DGKI: variants seen among roughly 807,000 people sequenced by gnomAD.
DGKI encodes diacylglycerol kinase iota, also known as DAG kinase iota.
A neutral mutation model predicts 147.5 loss-of-function variants in DGKI; 55 were observed. The observed-to-expected ratio is 0.37, with a 90% CI of 0.30 to 0.47. The LOEUF (loss-of-function observed/expected upper bound fraction) is 0.47. Ranked by LOEUF, DGKI falls within the 20% of genes least tolerant of loss-of-function variation. The pLI, the probability that DGKI is intolerant of heterozygous loss-of-function variation, is 1.00. For missense variants in DGKI, 1,007 were observed against 1,323.8 expected, an observed-to-expected ratio of 0.76 and a Z score of 3.71; for synonymous variants, 469 against 477.1, an observed-to-expected ratio of 0.98 and a Z score of 0.22.
Position 137,552,578 on chromosome 7 carries a change from C to G in DGKI, c.1948-10G>C. 5 of 1,613,686 alleles carry G rather than the reference C, an allele frequency of 3.1e-6. No individual in the cohort carries two copies. The highest frequency in any genetic ancestry group is 4.2e-6 in the Non-Finnish European group (5 of 1,179,872). ...CAACTTGCAGGGCTGCCTATAAAAA[C>G]AAGAGTCAAAGGGGAGCAAGGAGTT... On this transcript the variant is annotated splice_polypyrimidine_tract_variant and intron_variant, in intron 19 of 32. Transcript: ENST00000614521.
chr7:137,786,649 C>T (rs1479056514), intron 1 of DGKI, among the ~76,000 whole-genome samples: 2 of 150,312 alleles, frequency 1.3e-5, no homozygotes, highest in East Asian at 2.0e-4. Flanking sequence ...AAAAAAGAGC[C>T]TGCATAGCCA....
chr7:137,471,087 G>C (rs1375377660), intron 23 of DGKI, among the ~76,000 whole-genome samples: 2 of 152,204 alleles, frequency 1.3e-5, no homozygotes, highest in Admixed American at 6.5e-5. Context: ...AGAGAAGCCT[G>C]CCAGTGATAA....
intron 27 of DGKI, among the ~76,000 whole-genome samples, chr7:137,462,573 T>C (rs1814488060): frequency 6.6e-6 from 1 of 152,228 alleles, no homozygotes; most frequent in African/African-American, 2.4e-5. Flanking sequence ...GCTTCTGGTC[T>C]TTCTCCAGAA....
chr7:137,799,110 T>C (rs1411105335), intron 1 of DGKI, among the ~76,000 whole-genome samples: 1 of 152,204 alleles, frequency 6.6e-6, no homozygotes, highest in East Asian at 1.9e-4. Context: ...AAAAAAGATG[T>C]CTTCTTTCAT....
chr7:137,576,201 C>T (rs1269695720), intron 17 of DGKI, among the ~76,000 whole-genome samples: 1 of 151,864 alleles, frequency 6.6e-6, no homozygotes, highest in Non-Finnish European at 1.5e-5. Flanking sequence ...CCACGCCTGC[C>T]TAATTTTTTG....
chr7:137,827,757 C>T (rs1459026986), intron 1 of DGKI, among the ~76,000 whole-genome samples: 2 of 152,208 alleles, frequency 1.3e-5, no homozygotes, highest in East Asian at 1.9e-4. Context: ...GTTAGTGGAA[C>T]CTGTTAAAGC....
At chr7:137,661,842 G>A (rs944300626) in intron 3 of DGKI, among the ~76,000 whole-genome samples, 1 of 152,174 alleles carries the variant, frequency 6.6e-6, no homozygotes, top group African/African-American at 2.4e-5. Context: ...GAATGCTTAG[G>A]AAAGTGGAGG....
At chr7:137,637,846 T>G (rs1253408062) in intron 6 of DGKI, among the ~76,000 whole-genome samples, 1 of 152,220 alleles carries the variant, frequency 6.6e-6, no homozygotes. Flanking sequence ...ATATTTCATT[T>G]CATTGTTTTT....
Position 137,678,542 on chromosome 7 carries a change from G to A in DGKI, c.606+15C>T, listed in dbSNP as rs376671462. 25 of 1,612,888 alleles carry A rather than the reference G, an allele frequency of 1.6e-5. No homozygotes were observed. The highest frequency in any genetic ancestry group is 1.6e-4 in the Middle Eastern group (1 of 6,080). On this transcript the variant is annotated intron_variant, in intron 3 of 32. Transcript: ENST00000614521. Reference sequence around the variant, plus strand: ...TCCACAGGCCTTCCCCCAGCAAGACGGAGCGCACACTCACTGCAAATCTGA... The same window carrying A: ...TCCACAGGCCTTCCCCCAGCAAGACAGAGCGCACACTCACTGCAAATCTGA...
rs183177720 is a variant in DGKI, at chr7:137,509,329, G to T, written c.2248+12537C>A. Among the ~76,000 whole-genome samples the T allele has an allele frequency of 1.5e-3, 228 of 152,256 alleles. 4 individuals carry two copies. The highest frequency in any genetic ancestry group is 1.5e-3 in the Non-Finnish European group (100 of 68,010). ...GTGACTGGAGGATGAGTGAGGAAGC[G>T]AATACAGTCAATGAGCTGAGCAATG... On this transcript the variant is annotated intron_variant, in intron 21 of 32. Transcript: ENST00000614521.
At position 137,623,756 on chromosome 7, in the gene DGKI, T is replaced by C. The variant is rs554942635; in HGVS notation, c.805-202A>G. 1.5e-3 allele frequency among the ~76,000 whole-genome samples: 229 copies of C among 152,278 alleles called. 1 individual carries two copies. Among genetic ancestry groups the C allele is most frequent in the African/African-American group, 4.9e-3 (205 of 41,560 alleles). ...GCAATGATTTTCTAATCCTGAAGCATTTCAAGTGAGAGAGAGAGGAGGTGC... is the reference window on the plus strand; with the variant it reads ...GCAATGATTTTCTAATCCTGAAGCACTTCAAGTGAGAGAGAGAGGAGGTGC... On this transcript the variant is annotated intron_variant, in intron 6 of 32. Coordinates refer to ENST00000614521, the MANE Select transcript of DGKI (RefSeq NM_001321708.2).
At chr7:137,766,236 A>G (rs987582813) in intron 1 of DGKI, among the ~76,000 whole-genome samples, 25 of 152,232 alleles carry the variant, frequency 1.6e-4, no homozygotes, top group African/African-American at 5.8e-4. Context: ...CTCCAGCCTA[A>G]CAGGAAAATG....
chr7:137,646,071 A>G (rs1365211656), intron 5 of DGKI, among the ~76,000 whole-genome samples: 5 of 152,234 alleles, frequency 3.3e-5, no homozygotes, highest in Admixed American at 3.3e-4. Context: ...TAACTGAGGC[A>G]GGTAAAAGAA....
chr7:137,447,280 G>A (rs1425290773), intron 27 of DGKI, among the ~76,000 whole-genome samples: 1 of 152,046 alleles, frequency 6.6e-6, no homozygotes, highest in Non-Finnish European at 1.5e-5. Context: ...TTATTACCAG[G>A]CCATGTGCCA....
chr7:137,400,762 T>A (rs1265095400), intron 30 of DGKI, among the ~76,000 whole-genome samples: 5 of 151,620 alleles, frequency 3.3e-5, no homozygotes, highest in African/African-American at 7.3e-5. Flanking sequence ...AAAAAAAAAA[T>A]GCCCATTAAA....
chr7:137,742,039 T>C (rs1038229123), intron 1 of DGKI, among the ~76,000 whole-genome samples: 1 of 152,230 alleles, frequency 6.6e-6, no homozygotes, highest in Non-Finnish European at 1.5e-5. Context: ...ACTCCTAGTT[T>C]CTCCAAACCA....
intron 30 of DGKI, among the ~76,000 whole-genome samples, chr7:137,401,281 C>G (rs1264052546): frequency 6.6e-6 from 1 of 151,780 alleles, no homozygotes; most frequent in Non-Finnish European, 1.5e-5. Flanking sequence ...TCTGTAATCC[C>G]AGCACTTTGG....
At chr7:137,622,878 A>G (rs949160353) in intron 7 of DGKI, among the ~76,000 whole-genome samples, 1 of 152,216 alleles carries the variant, frequency 6.6e-6, no homozygotes, top group Non-Finnish European at 1.5e-5. Context: ...AAATAGGGAC[A>G]TTACCATCAG....
intron 1 of DGKI, among the ~76,000 whole-genome samples, chr7:137,845,167 A>G (rs532378842): frequency 6.6e-6 from 1 of 152,372 alleles, no homozygotes; most frequent in Admixed American, 6.5e-5. Context: ...AGGAACGCAG[A>G]AGCAACAACC....
Sources: allele counts gnomAD v4.1 joint callset (sites outside exome capture counted in the v4.1 genomes callset), GRCh38; gene constraint gnomAD v4.1.1; transcripts MANE v1.5; gene names NCBI Gene and HGNC (gene_info 2026-07-23, HGNC 2026-07-21).